Variants in GALNT9 observed in about 807,000 individuals in gnomAD.
GALNT9 encodes the protein GalNAc transferase 9.
A neutral mutation model predicts 63.1 loss-of-function variants in GALNT9; 47 were observed. The ratio of observed to expected loss-of-function variants is 0.75; its 90% CI spans 0.59 to 0.95. The LOEUF is 0.95. GALNT9 is among the 40% of genes least tolerant of loss of function. The pLI is 0.00. For missense variants in GALNT9, 829 were observed against 874.8 expected, an observed-to-expected ratio of 0.95 and a Z score of 0.66; for synonymous variants, 396 against 365.7, an observed-to-expected ratio of 1.08 and a Z score of -0.94.
At chr12:132,271,327 G>A (rs528125458) in intron 2 of GALNT9, among the ~76,000 whole-genome samples, 2 of 152,186 alleles carry the variant, frequency 1.3e-5, no homozygotes, top group African/African-American at 2.4e-5. Flanking sequence ...GCCACGCCCC[G>A]CCCGGCTCCC....
At chr12:132,304,390 G>C (rs1158733097) in intron 1 of GALNT9, among the ~76,000 whole-genome samples, 88 of 34,274 alleles carry the variant, frequency 2.6e-3, no homozygotes, top group Non-Finnish European at 2.8e-3. Flanking sequence ...CACCCTCACC[G>C]GGGCACACCC....
chr12:132,266,358 C>T (rs2068084384), intron 2 of GALNT9, among the ~76,000 whole-genome samples: 1 of 152,258 alleles, frequency 6.6e-6, no homozygotes, highest in Non-Finnish European at 1.5e-5. Context: ...TTTGGACTTG[C>T]TCTCAAATTC....
rs141726608 is a variant in GALNT9 at position 132,198,223 on chromosome 12, G to A, written c.1498-264C>T. Among the ~76,000 whole-genome samples, 181 of 152,348 alleles carry A rather than the reference G, an allele frequency of 1.2e-3. 6 individuals are homozygous for A. In the East Asian group the frequency reaches 0.029, roughly 25 times the overall value. ...TGGCTGGTCTTCCGCCTGGACAGAC[G>A]TCATGAATGTGGCTCAGACCCAGAG... On this transcript the variant is annotated intron_variant, in intron 9 of 10. Transcript: ENST00000328957.
At chr12:132,325,856 G>T (rs1869014282) in intron 1 of GALNT9, among the ~76,000 whole-genome samples, 2 of 152,374 alleles carry the variant, frequency 1.3e-5, no homozygotes, top group Admixed American at 6.5e-5. Flanking sequence ...TCCATTCAGA[G>T]CCTTTCTTCC....
At chr12:132,201,417 C>CCA (rs1193248753) in intron 7 of GALNT9, 156 bp from the exon 8 acceptor site, 1 of 246,048 alleles carries the variant, frequency 4.1e-6, no homozygotes, top group Non-Finnish European at 8.0e-6. Flanking sequence ...GTTGGGACCC[C>CCA]CCAGCCTCCT....
At chr12:132,283,441 T>G (rs1225001940) in intron 2 of GALNT9, 1 of 152,454 alleles carries the variant, frequency 6.6e-6, no homozygotes, top group Non-Finnish European at 1.5e-5. Flanking sequence ...AGGGTTAACT[T>G]GGCAGCTGGC....
At chr12:132,281,952 C>G (rs55845583) in intron 2 of GALNT9, among the ~76,000 whole-genome samples, 71 of 122,476 alleles carry the variant, frequency 5.8e-4, no homozygotes, top group African/African-American at 2.5e-3. Flanking sequence ...CTACAGCAAG[C>G]CCAGGCCTGG....
At chr12:132,224,750 TCC>T (rs1877581349) in intron 6 of GALNT9, among the ~76,000 whole-genome samples, 2 of 45,638 alleles carry the variant, frequency 4.4e-5, no homozygotes, top group Admixed American at 2.6e-4. Context: ...CCCACACCCC[TCC>T]CACACCCCAC....
At chr12:132,240,877 A>G in intron 6 of GALNT9, 2 of 352,724 alleles carry the variant, frequency 5.7e-6, no homozygotes, top group Non-Finnish European at 1.1e-5. Flanking sequence ...CCGTCCCTAT[A>G]CCCATTACAC....
intron 5 of GALNT9, among the ~76,000 whole-genome samples, chr12:132,256,925 G>T (rs1051286996): frequency 6.6e-6 from 1 of 152,238 alleles, no homozygotes; most frequent in Admixed American, 6.5e-5. Flanking sequence ...TCATGAGCTT[G>T]CTGGCGCAGG....
intron 2 of GALNT9, among the ~76,000 whole-genome samples, chr12:132,267,467 C>T (rs1879645150): frequency 6.6e-6 from 1 of 152,210 alleles, no homozygotes; most frequent in African/African-American, 2.4e-5. Flanking sequence ...GGAGAACCCA[C>T]ACCGTCGCCC....
intron 6 of GALNT9, among the ~76,000 whole-genome samples, chr12:132,208,434 G>A (rs114080752): frequency 0.032 from 4,908 of 152,328 alleles, 249 homozygotes; most frequent in African/African-American, 0.11. Context: ...CTGAGAGGGG[G>A]ACGCTATCAC....
intron 1 of GALNT9, among the ~76,000 whole-genome samples, chr12:132,321,000 G>A (rs1050612452): frequency 1.3e-5 from 2 of 152,172 alleles, no homozygotes; most frequent in Non-Finnish European, 2.9e-5. Context: ...CAGTCAGTGA[G>A]GCAGGTGCCC....
intron 7 of GALNT9, among the ~76,000 whole-genome samples, chr12:132,202,295 C>T (rs1876207974): frequency 6.6e-6 from 1 of 152,206 alleles, no homozygotes; most frequent in Non-Finnish European, 1.5e-5. Flanking sequence ...GCACGTTTTC[C>T]TTATCACTTC....
At chr12:132,326,036 G>A (rs1490848027) in intron 1 of GALNT9, among the ~76,000 whole-genome samples, 3 of 152,254 alleles carry the variant, frequency 2.0e-5, no homozygotes, top group African/African-American at 4.8e-5. Flanking sequence ...CCCAGGCCTC[G>A]CATGGACACA....
In GALNT9 at chr12:132,261,076, TG is replaced by T; in HGVS notation, c.632del (p.Pro211GlnfsTer4). 2 of 1,551,620 alleles carry T rather than the reference TG, an allele frequency of 1.3e-6. No homozygotes were observed. The highest frequency in any genetic ancestry group is 1.7e-6 in the Non-Finnish European group (2 of 1,146,988). ...NLDQYVNKRYPGLVKIVRNSR... is the reference protein window; with the variant it reads ...NLDQYVNKRYXGLVKIVRNSR... ...TGTTGCGGACAATCTTCACGAGGCCTGGGTACCGCTTGTTGACGTACTGGTC... is the reference window on the plus strand; with the variant it reads ...TGTTGCGGACAATCTTCACGAGGCCTGGTACCGCTTGTTGACGTACTGGTC... On this transcript the variant is annotated frameshift_variant, in exon 4 of 11. Coordinates refer to ENST00000328957, the MANE Select transcript of GALNT9 (RefSeq NM_001122636.2). LOFTEE classifies it high-confidence loss of function.
chr12:132,308,035 CAA>C (rs58609306), intron 1 of GALNT9, among the ~76,000 whole-genome samples: 105,310 of 144,956 alleles, frequency 0.73, 37,747 homozygotes, highest in Middle Eastern at 0.84. Context: ...GACCCTGTCT[CAA>C]AAAAAAAAAA....
intron 1 of GALNT9, among the ~76,000 whole-genome samples, chr12:132,313,846 A>ACG (rs1881919036): frequency 3.1e-5 from 1 of 32,420 alleles, no homozygotes; most frequent in Non-Finnish European, 5.5e-5. Context: ...ATCCATCCAC[A>ACG]TATCTACCCA....
At chr12:132,212,839 G>A (rs578234751) in intron 6 of GALNT9, among the ~76,000 whole-genome samples, 1 of 44,386 alleles carries the variant, frequency 2.3e-5, no homozygotes, top group African/African-American at 9.1e-5. Flanking sequence ...CCCTCAGACC[G>A]TGACACGGAA....
Sources: allele counts gnomAD v4.1 joint callset (sites outside exome capture counted in the v4.1 genomes callset), GRCh38; gene constraint gnomAD v4.1.1; transcripts MANE v1.5; gene names NCBI Gene and HGNC (gene_info 2026-07-23, HGNC 2026-07-21).